Variants in RIMBP2 observed in about 807,000 individuals in gnomAD.
The protein encoded by RIMBP2 is RIMS binding protein 2.
A neutral mutation model predicts 118.6 loss-of-function variants in RIMBP2; 48 were observed. That is an observed-to-expected ratio of 0.40 (90% CI 0.32 to 0.51). RIMBP2 has a LOEUF of 0.51. RIMBP2 is among the 20% of genes least tolerant of loss of function. The pLI, the probability that RIMBP2 is intolerant of heterozygous loss-of-function variation, is 0.41. For synonymous variants in RIMBP2, 762 were observed against 742.9 expected, an observed-to-expected ratio of 1.03 and a Z score of -0.42; for missense variants, 1,551 against 1,768.3, an observed-to-expected ratio of 0.88 and a Z score of 2.20.
chr12:130,468,673 G>A (rs2080732869), intron 6 of RIMBP2, among the ~76,000 whole-genome samples: 1 of 152,234 alleles, frequency 6.6e-6, no homozygotes, highest in African/African-American at 2.4e-5. Flanking sequence ...CGCAGAGGCA[G>A]AACGGAAGGT....
chr12:130,489,301 A>C (rs1162140779), intron 4 of RIMBP2, among the ~76,000 whole-genome samples: 1 of 152,120 alleles, frequency 6.6e-6, no homozygotes, highest in Admixed American at 6.5e-5. Flanking sequence ...GGCAGGATGG[A>C]ATCCCACAAC....
chr12:130,413,889 A>T (rs1347789975), intron 18 of RIMBP2, among the ~76,000 whole-genome samples: 1 of 152,194 alleles, frequency 6.6e-6, no homozygotes, highest in Admixed American at 6.5e-5. Flanking sequence ...TCCAGAGTTC[A>T]CAGGACATAT....
intron 22 of RIMBP2, 28 bp from the exon 23 acceptor site, chr12:130,397,577 G>A: frequency 2.5e-6 from 1 of 398,848 alleles, no homozygotes; most frequent in Non-Finnish European, 4.4e-6. Context: ...ACAGTTTATT[G>A]AGTGTGTGAG....
intron 1 of RIMBP2, among the ~76,000 whole-genome samples, chr12:130,646,070 T>A (rs61936789): frequency 0.06 from 5,361 of 89,232 alleles, 291 homozygotes; most frequent in East Asian, 0.12. Context: ...CACCTGCCTC[T>A]CCACCTCCCT....
intron 2 of RIMBP2, among the ~76,000 whole-genome samples, chr12:130,604,582 C>CT (rs777097560): frequency 5.9e-5 from 4 of 67,268 alleles, no homozygotes; most frequent in South Asian, 8.4e-4. Flanking sequence ...TGCCCCTTTT[C>CT]TTTCTTTTTT....
chr12:130,595,426 C>T (rs145489380), intron 2 of RIMBP2, among the ~76,000 whole-genome samples: 2,026 of 152,130 alleles, frequency 0.013, 54 homozygotes, highest in African/African-American at 0.046. Context: ...GGCGTGGTGG[C>T]GGGCGCCTGT....
At chr12:130,410,152 T>C (rs1215660741) in intron 19 of RIMBP2, among the ~76,000 whole-genome samples, 3 of 152,236 alleles carry the variant, frequency 2.0e-5, no homozygotes, top group Non-Finnish European at 4.4e-5. Context: ...TTAAAGATCT[T>C]TTCATGTGCT....
chr12:130,454,554 G>T (rs1224794400), intron 7 of RIMBP2, among the ~76,000 whole-genome samples: 1 of 152,262 alleles, frequency 6.6e-6, no homozygotes, highest in Non-Finnish European at 1.5e-5. Context: ...ACCCCTGGTG[G>T]GTGAGGAAAC....
In RIMBP2 at chr12:130,396,591, A is replaced by T. The variant is rs1364368059; in HGVS notation, c.*770T>A. The T allele has an allele frequency of 6.6e-6, 1 of 152,666 alleles. No individual in the cohort carries two copies. Among genetic ancestry groups the T allele is most frequent in the African/African-American group, 2.4e-5 (1 of 41,468 alleles). 9.5% of individuals were successfully genotyped at this position (152,666 alleles called of 1,614,324 possible). On this transcript the variant is annotated 3_prime_UTR_variant, in exon 23 of 23. Transcript: ENST00000690449. Reference sequence around the variant, plus strand: ...CTGTGTATTTGGGTATGGCATTTTGACAACGAAAGTAACAGAAAACCATAT... The same window carrying T: ...CTGTGTATTTGGGTATGGCATTTTGTCAACGAAAGTAACAGAAAACCATAT...
At chr12:130,533,389 A>C (rs766134626) in intron 2 of RIMBP2, among the ~76,000 whole-genome samples, 1 of 152,246 alleles carries the variant, frequency 6.6e-6, no homozygotes, top group Admixed American at 6.5e-5. Context: ...GGCTATGATG[A>C]AAAAGTCAAA....
chr12:130,637,062 T>C (rs2062382745), intron 1 of RIMBP2, among the ~76,000 whole-genome samples: 1 of 152,202 alleles, frequency 6.6e-6, no homozygotes, highest in African/African-American at 2.4e-5. Context: ...TGCATTTGAA[T>C]GTTAAAATGG....
At chr12:130,492,546 G>C (rs1008486482) in intron 4 of RIMBP2, among the ~76,000 whole-genome samples, 1 of 152,198 alleles carries the variant, frequency 6.6e-6, no homozygotes, top group African/African-American at 2.4e-5. Flanking sequence ...AGAGATGCAG[G>C]GGTGGCAACA....
rs112137902 is a variant in RIMBP2 at position 130,641,318 on chromosome 12, G to A, written c.-351-12862C>T. Among the ~76,000 whole-genome samples, 782 of 138,538 alleles carry A rather than the reference G, an allele frequency of 5.6e-3. 1 individual carries two copies. Among genetic ancestry groups the A allele is most frequent in the South Asian group, 0.014 (59 of 4,270 alleles). 90.9% of individuals were successfully genotyped at this position (138,538 alleles called of 152,430 possible). On this transcript the variant is annotated intron_variant, in intron 1 of 22. Transcript: ENST00000690449. ...ATGGTGACTGCCGGACACTCGGCCC[G>A]GCATCACGGGCTGGATTTAGGATGG...
intron 1 of RIMBP2, among the ~76,000 whole-genome samples, chr12:130,706,137 C>G (rs1300279037): frequency 2.0e-5 from 3 of 152,108 alleles, no homozygotes; most frequent in Non-Finnish European, 2.9e-5. Context: ...TTTGTTGAAC[C>G]CTCACACTAT....
At chr12:130,591,154 G>C (rs189149835) in intron 2 of RIMBP2, among the ~76,000 whole-genome samples, 2 of 152,320 alleles carry the variant, frequency 1.3e-5, no homozygotes, top group Admixed American at 1.3e-4. Flanking sequence ...TAAAAATTAG[G>C]AGGTTAATAG....
intron 3 of RIMBP2, among the ~76,000 whole-genome samples, chr12:130,510,190 G>A (rs2050770711): frequency 6.6e-6 from 1 of 152,188 alleles, no homozygotes; most frequent in Non-Finnish European, 1.5e-5. Context: ...TGTTACAAAC[G>A]GCGCCAGAAG....
intron 4 of RIMBP2, among the ~76,000 whole-genome samples, chr12:130,493,031 TG>T (rs2048786641): frequency 6.6e-6 from 1 of 152,016 alleles, no homozygotes; most frequent in African/African-American, 2.4e-5. Flanking sequence ...TTCAGGGGAC[TG>T]GGGCTCAGGC....
rs1056920418 is a variant in RIMBP2 at position 130,617,365 on chromosome 12, T to A, written c.-217+10957A>T. The stretch of plus-strand genomic sequence containing the variant: ...GCCTCTCACTGACATTTCCTCTCCC[T>A]CCTCACTGGAAGGAGTGAGTCACCA... On this transcript the variant is annotated intron_variant, in intron 2 of 22. Coordinates refer to ENST00000690449, the MANE Select transcript of RIMBP2 (RefSeq NM_001393629.1). This position sits in a 1 kb window ranked among gnomAD's most constrained non-coding sequence, Gnocchi z 4.6. Among the ~76,000 whole-genome samples, 2 of 152,202 alleles carry A rather than the reference T, an allele frequency of 1.3e-5. No homozygotes were observed. Among genetic ancestry groups the A allele is most frequent in the Admixed American group, 1.3e-4 (2 of 15,288 alleles).
chr12:130,697,796 T>C (rs1327522224), intron 1 of RIMBP2, among the ~76,000 whole-genome samples: 2 of 152,182 alleles, frequency 1.3e-5, no homozygotes, highest in African/African-American at 4.8e-5. Flanking sequence ...CACTCCAGCC[T>C]GGGCCACAAA....
Sources: gnomAD v4.1 joint callset for allele counts (sites outside exome capture counted in the v4.1 genomes callset) on GRCh38, gnomAD v4.1.1 for gene constraint, Gnocchi (gnomAD v3.1) non-coding constraint, MANE v1.5 for transcripts, NCBI Gene and HGNC (gene_info 2026-07-23, HGNC 2026-07-21) for gene names.